Variants in STOM observed in about 807,000 individuals in gnomAD.
STOM encodes erythrocyte band 7 integral membrane protein.
STOM carries 25 observed loss-of-function variants against 30.6 expected under a neutral mutation model. That is an observed-to-expected ratio of 0.82 (90% CI 0.60 to 1.14). The LOEUF is 1.14. Among genes scored for constraint, STOM ranks in the 50% most tolerant of loss-of-function variants. The pLI, the probability that STOM is intolerant of heterozygous loss-of-function variation, is 0.00. For missense variants in STOM, 292 were observed against 365.2 expected, an observed-to-expected ratio of 0.80 and a Z score of 1.63; for synonymous variants, 118 against 130.8, an observed-to-expected ratio of 0.90 and a Z score of 0.67.
At position 121,349,638 on chromosome 9, in the gene STOM, G is replaced by A. The variant is rs1355874613; in HGVS notation, c.322-315C>T. ...TCAAAGGAAACTCTTAGGGGCAGCT[G>A]TGGGTGGCAGGGGTGATACCTGAAT... On this transcript the variant is annotated intron_variant, in intron 4 of 6. Coordinates refer to ENST00000286713, the MANE Select transcript of STOM (RefSeq NM_004099.6). Among the ~76,000 whole-genome samples, 4 of 152,194 alleles carry A rather than the reference G, an allele frequency of 2.6e-5. No individual in the cohort carries two copies. The East Asian group carries it at 7.7e-4, about 29-fold the overall frequency.
At chr9:121,349,733 G>A (rs2064322158) in intron 4 of STOM, among the ~76,000 whole-genome samples, 1 of 152,110 alleles carries the variant, frequency 6.6e-6, no homozygotes, top group Non-Finnish European at 1.5e-5. Context: ...TCAAGAGAGA[G>A]GCACTAGAGA....
chr9:121,358,369 T>C (rs2064417680), intron 1 of STOM, among the ~76,000 whole-genome samples: 1 of 151,442 alleles, frequency 6.6e-6, no homozygotes, highest in Non-Finnish European at 1.5e-5. Context: ...GAGACTGAAA[T>C]AGGGGGATTG....
intron 1 of STOM, among the ~76,000 whole-genome samples, chr9:121,357,897 T>C (rs1219074960): frequency 6.8e-6 from 1 of 147,848 alleles, no homozygotes; most frequent in East Asian, 2.0e-4. Flanking sequence ...AACCATTCTA[T>C]ATGATTAGTA....
At chr9:121,357,484 G>T (rs2134037596) in intron 1 of STOM, among the ~76,000 whole-genome samples, 2 of 126,110 alleles carry the variant, frequency 1.6e-5, no homozygotes, top group East Asian at 5.0e-4. Flanking sequence ...CTGTTGCCCA[G>T]GCTGGAGTGC....
intron 5 of STOM, 51 bp from the exon 6 acceptor site, chr9:121,348,200 CT>C (rs2064306852): frequency 6.2e-7 from 1 of 1,611,896 alleles, no homozygotes; most frequent in South Asian, 1.1e-5. Context: ...AGCCCAGATG[CT>C]GACAGAGGCT....
rs537072814 is a variant in STOM, at chr9:121,351,432, C to G, written c.321+1788G>C. Reference sequence around the variant, plus strand: ...CAGTACCAACAAGGAAGTTCCTAAGCTGGTTTCTGGTATTTGTGACATGAG... The same window carrying G: ...CAGTACCAACAAGGAAGTTCCTAAGGTGGTTTCTGGTATTTGTGACATGAG... On this transcript the variant is annotated intron_variant, in intron 4 of 6. Coordinates refer to ENST00000286713, the MANE Select transcript of STOM (RefSeq NM_004099.6). Among the ~76,000 whole-genome samples the G allele has an allele frequency of 6.6e-4, 101 of 152,348 alleles. No homozygotes were observed. In the South Asian group the frequency reaches 0.02, roughly 31 times the overall value.
chr9:121,354,143 C>G (rs2064364291), intron 3 of STOM, among the ~76,000 whole-genome samples: 3 of 152,298 alleles, frequency 2.0e-5, no homozygotes, highest in South Asian at 4.1e-4. Flanking sequence ...GAAAGTCTTT[C>G]TTTGGTAGAG....
intron 6 of STOM, among the ~76,000 whole-genome samples, chr9:121,344,288 C>A (rs3789312): frequency 6.6e-6 from 1 of 152,132 alleles, no homozygotes; most frequent in Non-Finnish European, 1.5e-5. Flanking sequence ...ATCAGAAATC[C>A]CCTGCTATGA....
chr9:121,367,106 G>A (rs2064512062), intron 1 of STOM, among the ~76,000 whole-genome samples: 1 of 152,048 alleles, frequency 6.6e-6, no homozygotes, highest in Admixed American at 6.6e-5. Context: ...TATGGGAGGG[G>A]AGGGGACAGA....
chr9:121,346,787 G>A (rs1311450879), intron 6 of STOM, among the ~76,000 whole-genome samples: 1 of 152,226 alleles, frequency 6.6e-6, no homozygotes, highest in African/African-American at 2.4e-5. Context: ...GAAGTCGCAT[G>A]TCAAATGAGC....
chr9:121,368,157 A>G (rs1398751972), intron 1 of STOM, among the ~76,000 whole-genome samples: 1 of 152,228 alleles, frequency 6.6e-6, no homozygotes, highest in African/African-American at 2.4e-5. Flanking sequence ...AAAAAAACAC[A>G]GACTATGCAA....
At chr9:121,357,942 A>G (rs2064411654) in intron 1 of STOM, among the ~76,000 whole-genome samples, 1 of 151,864 alleles carries the variant, frequency 6.6e-6, no homozygotes, top group African/African-American at 2.4e-5. Flanking sequence ...ACCTCTTCCA[A>G]TTTCCTCCTC....
At chr9:121,355,231 C>CAAAAAAAAAAAAA (rs762080105) in intron 2 of STOM, among the ~76,000 whole-genome samples, 1 of 83,460 alleles carries the variant, frequency 1.2e-5, no homozygotes, top group Non-Finnish European at 2.3e-5. Context: ...GACTCCGTCT[C>CAAAAAAAAAAAAA]AAAAAAAAAA....
intron 6 of STOM, among the ~76,000 whole-genome samples, chr9:121,343,954 G>C (rs2064268090): frequency 6.6e-6 from 1 of 152,146 alleles, no homozygotes; most frequent in African/African-American, 2.4e-5. Context: ...TGGGGACAGA[G>C]AATGAAATGG....
At chr9:121,353,751 C>T (rs1459685386) in intron 3 of STOM, among the ~76,000 whole-genome samples, 1 of 152,180 alleles carries the variant, frequency 6.6e-6, no homozygotes, top group Admixed American at 6.5e-5. Flanking sequence ...CTGGACTGAT[C>T]TACTTGCAGT....
chr9:121,360,458 A>T (rs1310565760), intron 1 of STOM, among the ~76,000 whole-genome samples: 1 of 152,148 alleles, frequency 6.6e-6, no homozygotes, highest in African/African-American at 2.4e-5. Context: ...TAGTTGCATG[A>T]TCTTTACCTC....
chr9:121,351,884 CAACAAGCAGTTTCTAATTCTTTGGTTTCT>C (rs2064342762), intron 4 of STOM, among the ~76,000 whole-genome samples: 1 of 151,936 alleles, frequency 6.6e-6, no homozygotes, highest in Non-Finnish European at 1.5e-5. Flanking sequence ...CTAAAATGCC[CAACAAGCAGTTTCTAATTCTTTGGTTTCT>C]AACCAATTTA....
chr9:121,366,156 T>G (rs562641710), intron 1 of STOM: 1 of 985,412 alleles, frequency 1.0e-6, no homozygotes, highest in Admixed American at 6.1e-5. Context: ...TCAGTATAGT[T>G]TTCATTGTCT....
At chr9:121,349,402 ATATCT>A (rs1260403038) in intron 4 of STOM, 79 bp from the exon 5 acceptor site, 38 of 1,277,856 alleles carry the variant, frequency 3.0e-5, no homozygotes, top group Non-Finnish European at 3.7e-5. Flanking sequence ...ATTCTACAGA[ATATCT>A]TATAACACTA....
Sources: allele counts gnomAD v4.1 joint callset (sites outside exome capture counted in the v4.1 genomes callset), GRCh38; gene constraint gnomAD v4.1.1; transcripts MANE v1.5; gene names NCBI Gene and HGNC (gene_info 2026-07-23, HGNC 2026-07-21).